The following CLCN5 variants were observed in gnomAD, a reference collection of about 807,000 sequenced individuals.
The protein encoded by CLCN5 is H(+)/Cl(-) exchange transporter 5.
Under a neutral mutation model 54.0 loss-of-function variants are expected in CLCN5, and 17 were observed. That is an observed-to-expected ratio of 0.31 (90% CI 0.22 to 0.47). The LOEUF (loss-of-function observed/expected upper bound fraction) is 0.47. Ranked by LOEUF, CLCN5 falls within the 20% of genes least tolerant of loss-of-function variation. The probability of loss-of-function intolerance (pLI) is 1.00; values close to 1 mark genes in which losing one functional copy is unlikely to be tolerated. For missense variants in CLCN5, 448 were observed against 646.7 expected (o/e 0.69, Z 3.33); for synonymous variants, 222 against 233.0 (o/e 0.95, Z 0.43).
intron 12 of CLCN5, 97 bp from the exon 13 acceptor site, chrX:50,090,019 C>T: frequency 1.1e-6 from 1 of 911,599 alleles, no homozygotes; most frequent in South Asian, 2.0e-5. Context: ...GGTGAGACCT[C>T]ATTGTTTTTG....
At chrX:50,086,175 G>A (rs1933878901) in intron 10 of CLCN5, 115 bp downstream of exon 10, 3 of 859,830 alleles carry the variant, frequency 3.5e-6, no homozygotes, top group Non-Finnish European at 5.1e-6. Context: ...CAGTCCCTGA[G>A]TGCTCTCCCC....
intron 4 of CLCN5, among the ~76,000 whole-genome samples, chrX:50,060,220 G>C (rs1932830034): frequency 9.0e-6 from 1 of 110,798 alleles, no homozygotes. Flanking sequence ...GAAGACGGGT[G>C]ATTTCTGCAT....
At chrX:50,032,192 G>A (rs1349046618) in intron 3 of CLCN5, among the ~76,000 whole-genome samples, 2 of 111,521 alleles carry the variant, frequency 1.8e-5, no homozygotes, top group Non-Finnish European at 3.8e-5. Flanking sequence ...ATGTGCATGT[G>A]TCTTTATAGC....
At chrX:50,010,137 A>G (rs1345543154) in intron 3 of CLCN5, among the ~76,000 whole-genome samples, 1 of 110,638 alleles carries the variant, frequency 9.0e-6, no homozygotes, top group Non-Finnish European at 1.9e-5. Context: ...TCACATTGAT[A>G]CTTGTTTCTT....
intron 7 of CLCN5, 72 bp downstream of exon 7, chrX:50,076,054 C>T: frequency 1.0e-6 from 1 of 977,854 alleles, no homozygotes; most frequent in Admixed American, 2.3e-5. Flanking sequence ...ATACTGTGCT[C>T]ACAGCAATTG....
At chrX:50,010,114 C>T (rs1930418679) in intron 3 of CLCN5, among the ~76,000 whole-genome samples, 1 of 111,889 alleles carries the variant, frequency 8.9e-6, no homozygotes, top group African/African-American at 3.2e-5. Flanking sequence ...TGTGAGTCTT[C>T]TCATTCCTGC....
chrX:50,014,791 T>A (rs1930702132), intron 3 of CLCN5: 1 of 259,904 alleles, frequency 3.8e-6, no homozygotes, highest in Non-Finnish European at 7.3e-6. Context: ...ACAGAATAGT[T>A]AGGGACTTCA....
At chrX:50,043,046 CAATTT>C (rs1557187407) in intron 4 of CLCN5, among the ~76,000 whole-genome samples, 1 of 111,837 alleles carries the variant, frequency 8.9e-6, no homozygotes, top group Non-Finnish European at 1.9e-5. Flanking sequence ...ATCATTGTCT[CAATTT>C]AATTTCCTTA....
chrX:49,928,268 C>T (rs1456446509), intron 3 of CLCN5, among the ~76,000 whole-genome samples: 10 of 111,572 alleles, frequency 9.0e-5, no homozygotes, highest in Admixed American at 7.6e-4. Flanking sequence ...CATATACCCC[C>T]CAAATATGTA....
chrX:49,985,599 A>T (rs998301484), intron 3 of CLCN5, among the ~76,000 whole-genome samples: 1 of 111,656 alleles, frequency 9.0e-6, no homozygotes, highest in East Asian at 2.8e-4. Flanking sequence ...TTTTTGTTTT[A>T]TAAAAAATCA....
chrX:50,013,325 C>T (rs781875612), intron 3 of CLCN5: 1 of 370,306 alleles, frequency 2.7e-6, no homozygotes, highest in South Asian at 2.5e-5. Flanking sequence ...GGAGGGTGAG[C>T]CTTGTCATCG....
Position 50,081,569 on chromosome X carries a change from G to C in CLCN5, c.727-72G>C. Reference sequence around the variant, plus strand: ...CAAAAGGTGCAGTTTCTATAATGAGGTCCAGATTTTTGCTTCTTAGCCTTG... The same window carrying C: ...CAAAAGGTGCAGTTTCTATAATGAGCTCCAGATTTTTGCTTCTTAGCCTTG... On this transcript the variant is annotated intron_variant, in intron 8 of 14. Transcript: ENST00000376091. The C allele has an allele frequency of 3.7e-6, 3 of 803,312 alleles. No individual in the cohort carries two copies. In the Admixed American group the frequency reaches 6.6e-5, roughly 18 times the overall value. The allele number at this position is 803,312 out of a possible 1,213,427, so 66.2% of individuals were successfully genotyped here.
At chrX:50,067,658 A>G in intron 4 of CLCN5, 2 of 753,405 alleles carry the variant, frequency 2.7e-6, no homozygotes, top group Non-Finnish European at 1.6e-6. Flanking sequence ...AGCACTTCAG[A>G]CTGGGGCTTC....
intron 14 of CLCN5, 74 bp from the exon 15 acceptor site, chrX:50,092,055 C>A (rs1934120681): frequency 2.7e-6 from 2 of 743,053 alleles, no homozygotes; most frequent in Admixed American, 2.3e-5. Flanking sequence ...CTGAGGAGGA[C>A]AAGTATCACC....
intron 3 of CLCN5, among the ~76,000 whole-genome samples, chrX:50,037,660 T>A (rs1932054519): frequency 9.0e-6 from 1 of 111,700 alleles, no homozygotes; most frequent in Admixed American, 9.5e-5. Context: ...ACAGGAGGAT[T>A]GTTCAAGAAA....
intron 3 of CLCN5, chrX:50,010,695 TG>T: frequency 5.6e-6 from 1 of 177,252 alleles, no homozygotes; most frequent in Non-Finnish European, 1.2e-5. Context: ...CCTTGCTACC[TG>T]GGTGAGAGTG....
intron 3 of CLCN5, among the ~76,000 whole-genome samples, chrX:49,930,793 G>A (rs1413247739): frequency 1.8e-5 from 2 of 111,675 alleles, no homozygotes; most frequent in Non-Finnish European, 3.8e-5. Flanking sequence ...AAACATCTGC[G>A]TGTAAGTGAA....
intron 7 of CLCN5, among the ~76,000 whole-genome samples, chrX:50,079,008 A>G (rs1167573347): frequency 6.3e-5 from 7 of 111,265 alleles, no homozygotes; most frequent in African/African-American, 2.0e-4. Context: ...TATTTTTAGT[A>G]GAGACGGGGT....
intron 3 of CLCN5, among the ~76,000 whole-genome samples, chrX:49,932,676 C>T (rs1195707004): frequency 8.9e-6 from 1 of 112,045 alleles, no homozygotes; most frequent in Non-Finnish European, 1.9e-5. Flanking sequence ...GGCTGTCTCT[C>T]CCATTGACTA....
Sources: gnomAD v4.1 joint callset for allele counts (sites outside exome capture counted in the v4.1 genomes callset) on GRCh38, gnomAD v4.1.1 for gene constraint, MANE v1.5 for transcripts, NCBI Gene and HGNC (gene_info 2026-07-23, HGNC 2026-07-21) for gene names.